ATP8A2: variants seen among roughly 807,000 people sequenced by gnomAD.
ATP8A2 encodes the protein phospholipid-transporting ATPase IB.
ATP8A2 carries 100 observed loss-of-function variants against 165.6 expected under a neutral mutation model. The observed-to-expected ratio is 0.60, with a 90% CI of 0.51 to 0.71. The LOEUF is 0.71. ATP8A2 is among the 30% of genes least tolerant of loss of function. The probability of loss-of-function intolerance (pLI) is 0.00; values close to 1 mark genes in which losing one functional copy is unlikely to be tolerated. For synonymous variants in ATP8A2, 543 were observed against 548.8 expected (o/e 0.99, Z 0.15); for missense variants, 1,227 against 1,479.5 (o/e 0.83, Z 2.80).
intron 28 of ATP8A2, among the ~76,000 whole-genome samples, chr13:25,829,671 T>C (rs1178690750): frequency 6.7e-4 from 5 of 7,430 alleles, no homozygotes; most frequent in Non-Finnish European, 1.2e-3. Flanking sequence ...AGGTGTGGTA[T>C]ATATATATAT....
intron 28 of ATP8A2, among the ~76,000 whole-genome samples, chr13:25,836,944 T>A (rs542296218): frequency 6.6e-6 from 1 of 152,338 alleles, no homozygotes; most frequent in South Asian, 2.1e-4. Context: ...TCAGATAATG[T>A]ATGATGTTTT....
intron 35 of ATP8A2, among the ~76,000 whole-genome samples, chr13:25,990,689 G>A (rs1267985759): frequency 2.6e-5 from 4 of 152,234 alleles, no homozygotes; most frequent in African/African-American, 7.2e-5. Context: ...TGTGGATATA[G>A]AATTTTAACA....
intron 25 of ATP8A2, among the ~76,000 whole-genome samples, chr13:25,748,557 T>A (rs1218194364): frequency 6.6e-6 from 1 of 152,220 alleles, no homozygotes; most frequent in African/African-American, 2.4e-5. Context: ...ACTGGAGGCA[T>A]GGCTGCTTGT....
At chr13:25,850,132 C>G (rs939121826) in intron 30 of ATP8A2, among the ~76,000 whole-genome samples, 2 of 152,200 alleles carry the variant, frequency 1.3e-5, no homozygotes, top group African/African-American at 2.4e-5. Flanking sequence ...GCAAACTGAT[C>G]TCAGTCTAGT....
intron 25 of ATP8A2, among the ~76,000 whole-genome samples, chr13:25,735,582 G>A (rs1593268819): frequency 1.3e-5 from 2 of 150,950 alleles, no homozygotes; most frequent in Admixed American, 6.6e-5. Context: ...TCTTATGTTA[G>A]AAAAAAAAAC....
At chr13:25,628,367 A>C (rs1011680948) in intron 24 of ATP8A2, among the ~76,000 whole-genome samples, 2 of 152,050 alleles carry the variant, frequency 1.3e-5, no homozygotes, top group African/African-American at 4.8e-5. Context: ...CTGATTGTGG[A>C]ATGTCTCTCC....
intron 35 of ATP8A2, among the ~76,000 whole-genome samples, chr13:25,984,659 G>A (rs1261255525): frequency 1.3e-5 from 2 of 152,112 alleles, no homozygotes; most frequent in East Asian, 3.9e-4. Flanking sequence ...AAACAAAGAG[G>A]TTAGGTTGGA....
chr13:25,995,563 G>A (rs1378178265), intron 35 of ATP8A2, among the ~76,000 whole-genome samples: 1 of 150,984 alleles, frequency 6.6e-6, no homozygotes, highest in Admixed American at 6.6e-5. Flanking sequence ...TTTATTATTT[G>A]GAAGTGTGTT....
chr13:25,632,676 G>A (rs528369907), intron 24 of ATP8A2, among the ~76,000 whole-genome samples: 2 of 152,288 alleles, frequency 1.3e-5, no homozygotes, highest in African/African-American at 4.8e-5. Flanking sequence ...GTAGCTCACT[G>A]GGTAGGATGG....
intron 24 of ATP8A2, chr13:25,591,157 G>A (rs1180851947): frequency 2.5e-6 from 1 of 407,074 alleles, no homozygotes; most frequent in Admixed American, 2.5e-5. Context: ...GTGTGTGTGT[G>A]TGTAAATTGT....
At chr13:25,998,315 C>T (rs1294625103) in intron 35 of ATP8A2, among the ~76,000 whole-genome samples, 1 of 152,082 alleles carries the variant, frequency 6.6e-6, no homozygotes, top group African/African-American at 2.4e-5. Flanking sequence ...GTCAAGGATC[C>T]CTGCTTGGTC....
intron 35 of ATP8A2, among the ~76,000 whole-genome samples, chr13:26,010,903 A>C (rs533536363): frequency 1.3e-5 from 2 of 152,338 alleles, no homozygotes; most frequent in African/African-American, 4.8e-5. Context: ...CAAGGCACTC[A>C]GAAATGCCCT....
intron 13 of ATP8A2, among the ~76,000 whole-genome samples, chr13:25,555,995 A>C (rs777926799): frequency 2.0e-5 from 3 of 152,160 alleles, no homozygotes; most frequent in Non-Finnish European, 4.4e-5. Flanking sequence ...TATATGTACC[A>C]CATTTTCTTT....
chr13:25,823,014 T>C (rs543706789), intron 27 of ATP8A2, among the ~76,000 whole-genome samples: 16 of 152,338 alleles, frequency 1.1e-4, no homozygotes, highest in African/African-American at 3.8e-4. Context: ...ACAAATGCTG[T>C]TGACATAATT....
intron 25 of ATP8A2, among the ~76,000 whole-genome samples, chr13:25,702,376 A>G (rs1253749145): frequency 2.6e-5 from 4 of 152,240 alleles, no homozygotes. Flanking sequence ...AATTAGAATC[A>G]AACAATTTGC....
At chr13:25,784,319 G>A (rs549344628) in intron 27 of ATP8A2, among the ~76,000 whole-genome samples, 189 of 152,262 alleles carry the variant, frequency 1.2e-3, no homozygotes, top group South Asian at 8.1e-3. Context: ...CCCTGTGCTG[G>A]AGCTGTGCTT....
chr13:25,394,849 C>T (rs2033367753), intron 1 of ATP8A2, among the ~76,000 whole-genome samples: 1 of 152,172 alleles, frequency 6.6e-6, no homozygotes, highest in Admixed American at 6.5e-5. Context: ...TCTTATCAGC[C>T]CAGAGCAGTG....
At chr13:25,946,396 A>G (rs1955211708) in intron 33 of ATP8A2, among the ~76,000 whole-genome samples, 1 of 152,200 alleles carries the variant, frequency 6.6e-6, no homozygotes, top group Non-Finnish European at 1.5e-5. Flanking sequence ...AGCAGTGACC[A>G]CAAGCAAGAG....
At chr13:25,739,417 C>T (rs1273085058) in intron 25 of ATP8A2, among the ~76,000 whole-genome samples, 1 of 152,128 alleles carries the variant, frequency 6.6e-6, no homozygotes, top group African/African-American at 2.4e-5. Flanking sequence ...AAGAAGGAAA[C>T]CTATGGATTT....
Sources: gnomAD v4.1 joint callset for allele counts (sites outside exome capture counted in the v4.1 genomes callset) on GRCh38, gnomAD v4.1.1 for gene constraint, MANE v1.5 for transcripts, NCBI Gene and HGNC (gene_info 2026-07-23, HGNC 2026-07-21) for gene names.